The following SOX6 variants were observed in gnomAD, a reference collection of about 807,000 sequenced individuals.
SOX6 encodes the protein SRY-box transcription factor 6.
A neutral mutation model predicts 97.8 loss-of-function variants in SOX6; 11 were observed. The observed-to-expected ratio is 0.11, with a 90% CI of 0.07 to 0.19. The LOEUF is 0.19. SOX6 is among the 10% of genes least tolerant of loss of function. The pLI, the probability that SOX6 is intolerant of heterozygous loss-of-function variation, is 1.00. For missense variants in SOX6, 810 were observed against 1,039.5 expected (o/e 0.78, Z 3.04); for synonymous variants, 360 against 371.4 (o/e 0.97, Z 0.35).
At chr11:16,641,332 T>C (rs530405558) in intron 3 of SOX6, among the ~76,000 whole-genome samples, 3 of 152,286 alleles carry the variant, frequency 2.0e-5, no homozygotes, top group Admixed American at 6.5e-5. Flanking sequence ...CTTCCAACTA[T>C]GTGGTCAGTT....
In SOX6 at chr11:16,096,100, G is replaced by A; in HGVS notation, c.997C>T (p.Pro333Ser). 2 of 1,610,890 alleles carry A rather than the reference G, an allele frequency of 1.2e-6. No individual in the cohort carries two copies. Among genetic ancestry groups the A allele is most frequent in the Non-Finnish European group, 1.7e-6 (2 of 1,178,276 alleles). Residue 333 changes from proline to serine, a missense_variant, in exon 9 of 16, where the codon CCA (proline) becomes TCA (serine). Pro to Ser is a moderately conservative substitution (Grantham distance 74, BLOSUM62 -1). Coordinates refer to ENST00000683767, the MANE Select transcript of SOX6 (RefSeq NM_001367873.1). ...LQLQKGHVSH[P>S]QINQRLKGLS... Reference sequence around the variant, plus strand: ...CCCTTTAGCCTTTGGTTAATTTGTGGGTGGGAGACATGACCCTTCTGTTTA... The same window carrying A: ...CCCTTTAGCCTTTGGTTAATTTGTGAGTGGGAGACATGACCCTTCTGTTTA...
intron 3 of SOX6, among the ~76,000 whole-genome samples, chr11:16,308,734 T>G (rs1278804956): frequency 6.6e-6 from 1 of 152,186 alleles, no homozygotes; most frequent in Non-Finnish European, 1.5e-5. Flanking sequence ...AACCACACCC[T>G]GTGCTGGAAA....
chr11:16,445,834 T>C (rs1051051793), intron 1 of SOX6, among the ~76,000 whole-genome samples: 2 of 152,154 alleles, frequency 1.3e-5, no homozygotes, highest in Non-Finnish European at 2.9e-5. Flanking sequence ...TTATTTATAG[T>C]TAATGTGGCA....
Position 15,972,760 on chromosome 11 carries a change from G to A in SOX6, c.*49C>T, listed in dbSNP as rs1322385169. 3.8e-6 allele frequency: 6 copies of A among 1,595,442 alleles called. No individual in the cohort carries two copies. Among genetic ancestry groups the A allele is most frequent in the Non-Finnish European group, 5.2e-6 (6 of 1,163,432 alleles). On this transcript the variant is annotated 3_prime_UTR_variant, in exon 16 of 16. Coordinates refer to ENST00000683767, the MANE Select transcript of SOX6 (RefSeq NM_001367873.1). ...GGGCTCTTTAATAACTCTTTGTTGG[G>A]GAGGGGGGTGAAATGTCAGAGTACT...
At chr11:16,554,548 G>T (rs1165541914) in intron 4 of SOX6, among the ~76,000 whole-genome samples, 2 of 152,086 alleles carry the variant, frequency 1.3e-5, no homozygotes, top group Admixed American at 6.6e-5. Flanking sequence ...AGCAGCAACT[G>T]TGGCAGCTAA....
At chr11:16,114,004 T>C (rs1171670063) in intron 6 of SOX6, among the ~76,000 whole-genome samples, 1 of 152,180 alleles carries the variant, frequency 6.6e-6, no homozygotes, top group African/African-American at 2.4e-5. Context: ...TATTCTATAG[T>C]CACTCTGAGT....
intron 7 of SOX6, 85 bp downstream of exon 7, chr11:16,111,718 A>G: frequency 6.6e-7 from 1 of 1,519,956 alleles, no homozygotes; most frequent in Non-Finnish European, 9.1e-7. Context: ...GTTCCCTGGC[A>G]TGCTCCTGTG....
chr11:16,493,564 G>C (rs1860544018), intron 4 of SOX6, among the ~76,000 whole-genome samples: 1 of 152,128 alleles, frequency 6.6e-6, no homozygotes. Flanking sequence ...TAACCTGGGT[G>C]GTAGTTACAC....
intron 6 of SOX6, among the ~76,000 whole-genome samples, chr11:16,163,325 T>G (rs1166914818): frequency 6.6e-6 from 1 of 152,194 alleles, no homozygotes; most frequent in African/African-American, 2.4e-5. Flanking sequence ...ATCTAAGTTC[T>G]CAAGGTCCCT....
chr11:16,327,118 A>G (rs1285115716), intron 2 of SOX6, among the ~76,000 whole-genome samples: 1 of 152,174 alleles, frequency 6.6e-6, no homozygotes, highest in Non-Finnish European at 1.5e-5. Flanking sequence ...ATCACGCTGT[A>G]TAACTGTCAC....
chr11:16,146,630 T>C (rs1850305861), intron 6 of SOX6, among the ~76,000 whole-genome samples: 1 of 152,054 alleles, frequency 6.6e-6, no homozygotes, highest in Non-Finnish European at 1.5e-5. Context: ...ATCCAGAATC[T>C]ACAAAGAACT....
chr11:16,040,882 T>A (rs74424489), intron 12 of SOX6, among the ~76,000 whole-genome samples: 1,641 of 152,174 alleles, frequency 0.011, 24 homozygotes, highest in African/African-American at 0.037. Flanking sequence ...ATTTGGAGCA[T>A]AGAAAGCAGT....
At chr11:16,034,635 G>A (rs1855469626) in intron 12 of SOX6, among the ~76,000 whole-genome samples, 1 of 152,146 alleles carries the variant, frequency 6.6e-6, no homozygotes, top group Non-Finnish European at 1.5e-5. Context: ...AGCTGAAAAT[G>A]AAAATAATCA....
At chr11:16,416,856 T>A (rs751113974) in intron 1 of SOX6, among the ~76,000 whole-genome samples, 5 of 152,192 alleles carry the variant, frequency 3.3e-5, no homozygotes, top group East Asian at 1.9e-4. Context: ...CCAAATACTT[T>A]AAATGTCAAC....
chr11:16,569,642 T>G lies in SOX6; in HGVS notation n.609+42439A>C, dbSNP rs529313436. Among the ~76,000 whole-genome samples the G allele has an allele frequency of 3.9e-5, 6 of 152,054 alleles. No individual in the cohort carries two copies. The South Asian group carries it at 1.2e-3, about 32-fold the overall frequency. ...CCTTGCATAAATGAGACTATTAAAA[T>G]GATCACCTGAGGTCAGAAGTTCGAG... is the stretch of plus-strand genomic sequence containing the variant. On this transcript the variant is annotated intron_variant and non_coding_transcript_variant, in intron 4 of 5. Transcript: ENST00000524520.
intron 6 of SOX6, among the ~76,000 whole-genome samples, chr11:16,117,048 T>C (rs1849364433): frequency 6.6e-6 from 1 of 152,104 alleles, no homozygotes; most frequent in African/African-American, 2.4e-5. Context: ...AGGAATTGTG[T>C]CTTTAAAACA....
Position 16,515,767 on chromosome 11 carries a change from G to A in SOX6, n.610-39379C>T, listed in dbSNP as rs939984561. Among the ~76,000 whole-genome samples the A allele has an allele frequency of 8.9e-3, 1,125 of 126,840 alleles. 15 individuals are homozygous for A. Among genetic ancestry groups the A allele is most frequent in the African/African-American group, 0.032 (1,080 of 34,154 alleles). 83.2% of individuals were successfully genotyped at this position (126,840 alleles called of 152,430 possible). ...ATCCAGTTTCACCTTTCTACATATG[G>A]CTAGCCAGTTTTCCCAGCACCATTT... On this transcript the variant is annotated intron_variant and non_coding_transcript_variant, in intron 4 of 5. Coordinates refer to the SOX6 transcript ENST00000524520.
intron 6 of SOX6, among the ~76,000 whole-genome samples, chr11:16,137,341 G>T (rs1268350012): frequency 6.6e-6 from 1 of 152,094 alleles, no homozygotes; most frequent in Non-Finnish European, 1.5e-5. Context: ...CACAAGAATC[G>T]CTTGAGCCCA....
intron 9 of SOX6, among the ~76,000 whole-genome samples, chr11:16,062,096 G>T (rs1268379844): frequency 6.6e-6 from 1 of 151,668 alleles, no homozygotes; most frequent in Admixed American, 6.6e-5. Flanking sequence ...TCAACAGAAT[G>T]AACAGACAAT....
Sources: allele counts gnomAD v4.1 joint callset (sites outside exome capture counted in the v4.1 genomes callset), GRCh38; gene constraint gnomAD v4.1.1; transcripts MANE v1.5; gene names NCBI Gene and HGNC (gene_info 2026-07-23, HGNC 2026-07-21).